The following FHIT variants were observed in gnomAD, a reference collection of about 807,000 sequenced individuals.
FHIT encodes the protein bis(5'-adenosyl)-triphosphatase.
FHIT carries 19 observed loss-of-function variants against 17.9 expected under a neutral mutation model. The ratio of observed to expected loss-of-function variants is 1.06; its 90% confidence interval spans 0.74 to 1.56. FHIT has a LOEUF of 1.56. FHIT is among the 40% of genes most tolerant of loss of function. FHIT has a pLI of 0.00. For missense variants in FHIT, 248 were observed against 189.2 expected (o/e 1.31, Z -1.82); for synonymous variants, 81 against 69.7 (o/e 1.16, Z -0.81).
At chr3:61,014,807 A>AAAAAAAT (rs1553798839) in intron 3 of FHIT, among the ~76,000 whole-genome samples, 1 of 49,102 alleles carries the variant, frequency 2.0e-5, no homozygotes, top group African/African-American at 5.4e-5. Flanking sequence ...AAAAAAAAAA[A>AAAAAAAT]ATATATATAT....
chr3:60,660,708 T>C (rs2040219742), intron 4 of FHIT, among the ~76,000 whole-genome samples: 1 of 148,880 alleles, frequency 6.7e-6, no homozygotes, highest in Non-Finnish European at 1.5e-5. Flanking sequence ...GCTAATGATG[T>C]GGAATATCTT....
intron 4 of FHIT, among the ~76,000 whole-genome samples, chr3:60,544,173 A>C (rs1473742499): frequency 6.6e-6 from 1 of 151,768 alleles, no homozygotes; most frequent in African/African-American, 2.4e-5. Flanking sequence ...GCTATGTGGT[A>C]ATGTATTGAG....
At chr3:60,797,469 GTAGTAGT>G (rs1701023499) in intron 4 of FHIT, among the ~76,000 whole-genome samples, 2 of 129,266 alleles carry the variant, frequency 1.5e-5, no homozygotes, top group Admixed American at 7.6e-5. Flanking sequence ...AGTAGTAGTA[GTAGTAGT>G]AGTAGTAGTA....
rs545464358 is a variant in FHIT at position 60,855,562 on chromosome 3, C to A, written c.-110-33551G>T. On this transcript the variant is annotated intron_variant, in intron 3 of 9. Transcript: ENST00000492590. ...GCCAAACTAACCCTGGGATCCTCTA[C>A]CTCCTGTTTTCTCATAGTAATAAAT... 9.2e-5 allele frequency among the ~76,000 whole-genome samples: 14 copies of A among 152,212 alleles called. No individual in the cohort carries two copies. The South Asian group carries it at 2.1e-3, about 23-fold the overall frequency.
At chr3:61,091,750 C>T (rs979055760) in intron 2 of FHIT, among the ~76,000 whole-genome samples, 3 of 151,584 alleles carry the variant, frequency 2.0e-5, no homozygotes, top group East Asian at 1.9e-4. Flanking sequence ...GAGTTTGAGA[C>T]GAGCCTGGAC....
chr3:60,362,476 C>T (rs1406725050), intron 5 of FHIT, among the ~76,000 whole-genome samples: 1 of 151,962 alleles, frequency 6.6e-6, no homozygotes, highest in Admixed American at 6.6e-5. Context: ...CTTTTTGTTT[C>T]TAGCAAGCAT....
chr3:61,033,687 C>G (rs922333278), intron 3 of FHIT, among the ~76,000 whole-genome samples: 1 of 152,132 alleles, frequency 6.6e-6, no homozygotes, highest in East Asian at 1.9e-4. Context: ...AATAGAAAAA[C>G]TCTGTTCTTA....
At chr3:60,820,156 A>G (rs1229405720) in intron 4 of FHIT, among the ~76,000 whole-genome samples, 1 of 152,034 alleles carries the variant, frequency 6.6e-6, no homozygotes, top group Non-Finnish European at 1.5e-5. Context: ...AAAAATACAA[A>G]AATTAGGTGG....
At chr3:60,461,405 A>C (rs2032454728) in intron 5 of FHIT, among the ~76,000 whole-genome samples, 1 of 151,952 alleles carries the variant, frequency 6.6e-6, no homozygotes, top group South Asian at 2.1e-4. Context: ...AGACATTCCC[A>C]TACTAAGTGA....
intron 3 of FHIT, among the ~76,000 whole-genome samples, chr3:60,932,684 T>C (rs1708017579): frequency 6.6e-6 from 1 of 152,214 alleles, no homozygotes; most frequent in Admixed American, 6.5e-5. Flanking sequence ...CTTCAGACTT[T>C]CCATAGTTGC....
intron 4 of FHIT, chr3:60,732,353 A>G (rs2042047665): frequency 2.3e-6 from 2 of 868,534 alleles, no homozygotes; most frequent in Non-Finnish European, 3.9e-6. Flanking sequence ...GCAAGATGCC[A>G]GTACCTCTAT....
chr3:60,936,986 G>A (rs1708219547), intron 3 of FHIT, among the ~76,000 whole-genome samples: 1 of 123,772 alleles, frequency 8.1e-6, no homozygotes, highest in South Asian at 3.3e-4. Flanking sequence ...GCAAAGGGAT[G>A]TAATCAACAC....
At chr3:59,822,886 A>G (rs551834194) in intron 8 of FHIT, among the ~76,000 whole-genome samples, 1 of 152,228 alleles carries the variant, frequency 6.6e-6, no homozygotes, top group South Asian at 2.1e-4. Context: ...GCCAATGTCT[A>G]GAAGGGTTTT....
At chr3:60,153,001 C>T (rs1700531608) in intron 5 of FHIT, among the ~76,000 whole-genome samples, 1 of 152,136 alleles carries the variant, frequency 6.6e-6, no homozygotes, top group Non-Finnish European at 1.5e-5. Context: ...ATAAGGGCTG[C>T]TGCTTAACCA....
chr3:60,731,241 G>A (rs7619756), intron 4 of FHIT, among the ~76,000 whole-genome samples: 75,824 of 151,780 alleles, frequency 0.5, 19,402 homozygotes, highest in East Asian at 0.74. Flanking sequence ...CAGTGAATCT[G>A]TATGGGTCTG....
At chr3:61,169,980 G>T (rs565882973) in intron 2 of FHIT, among the ~76,000 whole-genome samples, 1 of 152,178 alleles carries the variant, frequency 6.6e-6, no homozygotes, top group East Asian at 1.9e-4. Flanking sequence ...GGTGGGGTGA[G>T]AAACTTGATT....
rs192794556 is a variant in FHIT, at chr3:60,940,622, A to G, written c.-111+101425T>C. 6.0e-3 allele frequency among the ~76,000 whole-genome samples: 919 copies of G among 152,288 alleles called. 7 individuals carry two copies. The highest frequency in any genetic ancestry group is 0.021 in the African/African-American group (862 of 41,564). Reference sequence around the variant, plus strand: ...TTATATGATGACATCTTTATCAATCACTTTTTTCATACACAGAGAGCCAAA... The same window carrying G: ...TTATATGATGACATCTTTATCAATCGCTTTTTTCATACACAGAGAGCCAAA... On this transcript the variant is annotated intron_variant, in intron 3 of 9. Transcript: ENST00000492590.
At chr3:60,533,706 T>C (rs1205587232) in intron 5 of FHIT, among the ~76,000 whole-genome samples, 2 of 152,080 alleles carry the variant, frequency 1.3e-5, no homozygotes, top group African/African-American at 2.4e-5. Context: ...GGAGAAAGTA[T>C]AGTAAAGGGA....
intron 5 of FHIT, among the ~76,000 whole-genome samples, chr3:60,274,914 A>T (rs1352687909): frequency 6.6e-6 from 1 of 152,212 alleles, no homozygotes; most frequent in African/African-American, 2.4e-5. Context: ...AGGGAAAAAA[A>T]TTCTATTTTA....
Sources: gnomAD v4.1 joint callset for allele counts (sites outside exome capture counted in the v4.1 genomes callset) on GRCh38, gnomAD v4.1.1 for gene constraint, MANE v1.5 for transcripts, NCBI Gene and HGNC (gene_info 2026-07-23, HGNC 2026-07-21) for gene names.